RICTOR: variants seen among roughly 807,000 people sequenced by gnomAD.
The protein encoded by RICTOR is rapamycin-insensitive companion of mTOR.
A neutral mutation model predicts 214.9 loss-of-function variants in RICTOR; 49 were observed. The ratio of observed to expected loss-of-function variants is 0.23; its 90% confidence interval spans 0.18 to 0.29. The LOEUF is 0.29. Among genes scored for constraint, RICTOR ranks in the 10% least tolerant of loss-of-function variants. The pLI, the probability that RICTOR is intolerant of heterozygous loss-of-function variation, is 1.00. For missense variants in RICTOR, 1,625 were observed against 2,047.0 expected, an observed-to-expected ratio of 0.79 and a Z score of 3.98; for synonymous variants, 717 against 711.3, an observed-to-expected ratio of 1.01 and a Z score of -0.13.
At chr5:39,025,764 C>G (rs574604576) in intron 2 of RICTOR, among the ~76,000 whole-genome samples, 35 of 152,172 alleles carry the variant, frequency 2.3e-4, no homozygotes, top group Non-Finnish European at 4.3e-4. Flanking sequence ...GGGCTTCACC[C>G]TTATGACCTA....
chr5:38,971,547 A>ATTTTTTT (rs10676528), intron 11 of RICTOR: 2 of 142,884 alleles, frequency 1.4e-5, no homozygotes, highest in African/African-American at 2.6e-5. Context: ...TAATTTTTGT[A>ATTTTTTT]TTTTTTTTTT....
intron 19 of RICTOR, among the ~76,000 whole-genome samples, chr5:38,961,301 T>A (rs1474954635): frequency 6.6e-6 from 1 of 152,182 alleles, no homozygotes; most frequent in Non-Finnish European, 1.5e-5. Flanking sequence ...TAAATTTTCT[T>A]CTATTGTATT....
intron 3 of RICTOR, among the ~76,000 whole-genome samples, chr5:39,016,982 A>G (rs1407047959): frequency 6.6e-6 from 1 of 152,182 alleles, no homozygotes; most frequent in Non-Finnish European, 1.5e-5. Context: ...AGTTAATGTC[A>G]TGTTTCTTTT....
chr5:38,995,212 C>T lies in RICTOR; in HGVS notation c.456+1607G>A, dbSNP rs570940137. Among the ~76,000 whole-genome samples the T allele has an allele frequency of 4.5e-4, 69 of 152,254 alleles. 1 individual carries two copies. The highest frequency in any genetic ancestry group is 1.6e-3 in the African/African-American group (67 of 41,548). ...GATAAAGAAAATGTGGTATTATACA[C>T]TATGGAATATTACTCAGCCATAAAA... On this transcript the variant is annotated intron_variant, in intron 6 of 37. Coordinates refer to ENST00000357387, the MANE Select transcript of RICTOR (RefSeq NM_152756.5).
At chr5:38,961,331 T>C (rs1749776276) in intron 19 of RICTOR, among the ~76,000 whole-genome samples, 1 of 152,152 alleles carries the variant, frequency 6.6e-6, no homozygotes, top group Admixed American at 6.6e-5. Flanking sequence ...CTTTGTCCCA[T>C]GGCTCAATAA....
chr5:38,966,695 A>G lies in RICTOR; in HGVS notation c.1245T>C (p.Ser415=). The G allele has an allele frequency of 6.3e-7, 1 of 1,592,258 alleles. No homozygotes were observed. ...TAGCTCTAACTGAGATATGATCATCACTGTTTGTTATCACTTCAACTAGAC... is the reference window on the plus strand; with the variant it reads ...TAGCTCTAACTGAGATATGATCATCGCTGTTTGTTATCACTTCAACTAGAC... ...LEGLVEVITN[S]DDHISVRATI... The change falls in exon 15 of 38, where the codon AGT becomes AGC. Residue 415 remains serine, a synonymous_variant. Transcript: ENST00000357387.
Position 38,947,431 on chromosome 5 carries a change from C to T in RICTOR, c.4147G>A (p.Ala1383Thr), listed in dbSNP as rs1243618125. ...SRLTPSRFMK[A>T]LSYASLDKED... ...TTATCTAATGATGCATAACTTAAGGCTTTCATGAACCTATAAAACCATAAA... is the reference window on the plus strand; with the variant it reads ...TTATCTAATGATGCATAACTTAAGGTTTTCATGAACCTATAAAACCATAAA... The change falls in exon 32 of 38, where the codon GCC becomes ACC. Residue 1383 changes from alanine (A) to threonine (T), a missense_variant. Physicochemically the swap from Ala to Thr is moderately conservative, Grantham distance 58 (BLOSUM62 0). Around this residue, in one of 5 missense-constraint regions of RICTOR, gnomAD observed 1,214 missense variants for 1,470.5 expected, o/e 0.83. Transcript: ENST00000357387. 2.5e-6 allele frequency: 4 copies of T among 1,606,526 alleles called. No homozygotes were observed. The highest frequency in any genetic ancestry group is 1.3e-5 in the African/African-American group (1 of 74,772).
intron 2 of RICTOR, among the ~76,000 whole-genome samples, chr5:39,025,968 T>G (rs1755788869): frequency 6.6e-6 from 1 of 152,122 alleles, no homozygotes; most frequent in African/African-American, 2.4e-5. Flanking sequence ...TTGACATGAT[T>G]TTTATATGGG....
chr5:38,999,027 C>CAAAAAAAAAAAAAAAAAAAAA (rs1186312478), intron 5 of RICTOR, among the ~76,000 whole-genome samples: 1 of 25,346 alleles, frequency 3.9e-5, no homozygotes, highest in African/African-American at 1.5e-4. Flanking sequence ...AACAAACAGG[C>CAAAAAAAAAAAAAAAAAAAAA]AAAAAAAAAA....
intron 16 of RICTOR, among the ~76,000 whole-genome samples, chr5:38,963,760 A>G (rs1158562554): frequency 6.6e-6 from 1 of 151,850 alleles, no homozygotes; most frequent in Admixed American, 6.6e-5. Context: ...TAAACCCTGG[A>G]ATTTGTGGCC....
In RICTOR at chr5:39,041,184, G is replaced by A. The variant is rs540856432; in HGVS notation, c.98-20048C>T. Among the ~76,000 whole-genome samples, 4 of 152,242 alleles carry A rather than the reference G, an allele frequency of 2.6e-5. No individual in the cohort carries two copies. In the South Asian group the frequency reaches 8.3e-4, roughly 32 times the overall value. The stretch of plus-strand genomic sequence containing the variant: ...AGATGCTTAACACGAGTTTATTCTT[G>A]ACAATAAGCAATACATCTTGTAGGC... On this transcript the variant is annotated intron_variant, in intron 2 of 37. Coordinates refer to ENST00000357387, the MANE Select transcript of RICTOR (RefSeq NM_152756.5).
At chr5:38,973,706 A>G (rs1282095598) in intron 10 of RICTOR, among the ~76,000 whole-genome samples, 2 of 152,192 alleles carry the variant, frequency 1.3e-5, no homozygotes, top group African/African-American at 4.8e-5. Context: ...TCAAAATACT[A>G]TTTCGCAAAT....
chr5:38,991,401 T>A (rs1000719440), intron 6 of RICTOR, among the ~76,000 whole-genome samples: 23 of 152,190 alleles, frequency 1.5e-4, no homozygotes, highest in African/African-American at 5.3e-4. Flanking sequence ...CTAGACAAGG[T>A]AAACCAGAGG....
chr5:38,955,605 T>C lies in RICTOR; in HGVS notation c.2599A>G (p.Ser867Gly), dbSNP rs774426373. The C allele has an allele frequency of 1.9e-6, 3 of 1,583,528 alleles. No individual in the cohort carries two copies. The highest frequency in any genetic ancestry group is 2.6e-6 in the Non-Finnish European group (3 of 1,152,504). Residue 867 changes from serine to glycine, a missense_variant, in exon 26 of 38, where the codon AGT becomes GGT. Coordinates refer to ENST00000357387, the MANE Select transcript of RICTOR (RefSeq NM_152756.5). ...TAACTGGGTACGCACCTTTGGTTAC[T>C]CCGACGAACATAGTTATCACCATCA... ...PVDGDNYVRR[S>G]NQRLQRPHVY...
At chr5:39,001,129 C>G (rs1753583132) in intron 5 of RICTOR, among the ~76,000 whole-genome samples, 1 of 152,004 alleles carries the variant, frequency 6.6e-6, no homozygotes, top group East Asian at 1.9e-4. Context: ...AATGCAGAAC[C>G]CAGATTAGTC....
rs368144573 is a variant in RICTOR, at chr5:39,074,184, A to G, written c.50-26T>C. ...CTGCGCGAAACAGACACACAGCCCC[A>G]ATTAGGATTGGCTCGCAGGCCAGCT... is the stretch of plus-strand genomic sequence containing the variant. On this transcript the variant is annotated intron_variant, in intron 1 of 37. Transcript: ENST00000357387. The G allele has an allele frequency of 7.5e-6, 12 of 1,591,984 alleles. No homozygotes were observed. In the African/African-American group the frequency reaches 1.7e-4, roughly 22 times the overall value.
At chr5:39,009,466 G>A (rs1754324989) in intron 3 of RICTOR, among the ~76,000 whole-genome samples, 1 of 152,218 alleles carries the variant, frequency 6.6e-6, no homozygotes, top group Middle Eastern at 3.4e-3. Flanking sequence ...AAAAGTTTTT[G>A]AGAAAGATGC....
chr5:39,050,037 A>G (rs1757740235), intron 2 of RICTOR, among the ~76,000 whole-genome samples: 1 of 152,152 alleles, frequency 6.6e-6, no homozygotes, highest in African/African-American at 2.4e-5. Context: ...AGGATGCCCA[A>G]TGAATCCAAA....
chr5:39,069,447 A>G (rs953347005), intron 2 of RICTOR, among the ~76,000 whole-genome samples: 1 of 152,216 alleles, frequency 6.6e-6, no homozygotes, highest in Non-Finnish European at 1.5e-5. Flanking sequence ...TTGAGGAAAC[A>G]GTATTAGAAG....
Sources: allele counts gnomAD v4.1 joint callset (sites outside exome capture counted in the v4.1 genomes callset), GRCh38; gene constraint gnomAD v4.1.1; regional missense constraint gnomAD v4.1.1; transcripts MANE v1.5; gene names NCBI Gene and HGNC (gene_info 2026-07-23, HGNC 2026-07-21).